The following JARID2 variants were observed in gnomAD, a reference collection of about 807,000 sequenced individuals.
The protein encoded by JARID2 is jumonji and AT-rich interaction domain containing 2.
JARID2 carries 21 observed loss-of-function variants against 125.6 expected under a neutral mutation model. The observed-to-expected ratio is 0.17, with a 90% confidence interval of 0.12 to 0.24. The LOEUF (loss-of-function observed/expected upper bound fraction) is 0.24, where lower values mean the gene tolerates loss of function less well. Ranked by LOEUF, JARID2 falls within the 10% of genes least tolerant of loss-of-function variation. The pLI is 1.00. For missense variants in JARID2, 1,303 were observed against 1,639.6 expected (o/e 0.79, Z 3.55); for synonymous variants, 736 against 661.6 (o/e 1.11, Z -1.73).
chr6:15,513,109 C>A, intron 15 of JARID2, 64 bp downstream of exon 15: 2 of 1,607,042 alleles, frequency 1.2e-6, no homozygotes, highest in Non-Finnish European at 1.7e-6. Flanking sequence ...GGCTCACCCC[C>A]CGAGCAGGCC....
In JARID2 at chr6:15,333,881, G is replaced by A. The variant is rs1031055741; in HGVS notation, c.46-40236G>A. Among the ~76,000 whole-genome samples, 5 of 152,146 alleles carry A rather than the reference G, an allele frequency of 3.3e-5. No individual in the cohort carries two copies. The East Asian group carries it at 9.6e-4, about 29-fold the overall frequency. Reference sequence around the variant, plus strand: ...GTGACTAGGGAGTCTTGGGGCCAGGGAAACCTAAAGGTAATCTTTTCAAAG... The same window carrying A: ...GTGACTAGGGAGTCTTGGGGCCAGGAAAACCTAAAGGTAATCTTTTCAAAG... On this transcript the variant is annotated intron_variant, in intron 1 of 17. Transcript: ENST00000341776.
At chr6:15,511,166 C>T (rs920463718) in intron 12 of JARID2, 130 bp from the exon 13 acceptor site, 17 of 699,390 alleles carry the variant, frequency 2.4e-5, no homozygotes, top group Non-Finnish European at 3.6e-5. Context: ...CAGGCCAGTG[C>T]GCCATCCCTG....
At chr6:15,425,009 TATC>T (rs1416900422) in intron 3 of JARID2, among the ~76,000 whole-genome samples, 1 of 152,202 alleles carries the variant, frequency 6.6e-6, no homozygotes, top group African/African-American at 2.4e-5. Flanking sequence ...GTTATTTTAT[TATC>T]ATCCCCATCC....
chr6:15,408,397 C>T (rs1933389606), intron 2 of JARID2, among the ~76,000 whole-genome samples: 1 of 151,738 alleles, frequency 6.6e-6, no homozygotes, highest in Non-Finnish European at 1.5e-5. Context: ...TCCATCTTCT[C>T]TTTTTACAGA....
intron 4 of JARID2, among the ~76,000 whole-genome samples, chr6:15,459,024 G>A (rs1768324458): frequency 6.6e-6 from 1 of 152,230 alleles, no homozygotes; most frequent in South Asian, 2.1e-4. Context: ...AGGCTGCAGG[G>A]AGTTCTTTCT....
chr6:15,513,941 G>T (rs1444729961), intron 16 of JARID2, among the ~76,000 whole-genome samples: 1 of 152,224 alleles, frequency 6.6e-6, no homozygotes. Flanking sequence ...CTTGGTGAAA[G>T]CTGATGTTCC....
At chr6:15,285,604 T>G (rs1408715520) in intron 1 of JARID2, among the ~76,000 whole-genome samples, 5 of 152,118 alleles carry the variant, frequency 3.3e-5, no homozygotes, top group African/African-American at 1.2e-4. Flanking sequence ...TAAACCCAGA[T>G]AGAGGGTATC....
intron 6 of JARID2, among the ~76,000 whole-genome samples, chr6:15,491,419 C>T (rs763069344): frequency 6.6e-6 from 1 of 152,386 alleles, no homozygotes; most frequent in South Asian, 2.1e-4. Flanking sequence ...AACTCACTGT[C>T]TGTCCAGTGC....
At chr6:15,451,923 G>T (rs897311156) in intron 3 of JARID2, 83 bp from the exon 4 acceptor site, 5 of 1,322,476 alleles carry the variant, frequency 3.8e-6, no homozygotes, top group African/African-American at 1.5e-5. Flanking sequence ...TTCCCCTTAT[G>T]TGTCATGATT....
At chr6:15,372,385 G>A (rs556144100) in intron 1 of JARID2, among the ~76,000 whole-genome samples, 15 of 152,232 alleles carry the variant, frequency 9.9e-5, no homozygotes, top group African/African-American at 3.6e-4. Flanking sequence ...TTTAGACAGA[G>A]TTTTGCTCTG....
chr6:15,377,620 C>T (rs750344486), intron 2 of JARID2, among the ~76,000 whole-genome samples: 17 of 152,146 alleles, frequency 1.1e-4, no homozygotes, highest in Non-Finnish European at 2.4e-4. Flanking sequence ...CATGCACCAC[C>T]ACACCTGGGC....
At chr6:15,486,696 C>T (rs1300322259) in intron 5 of JARID2, among the ~76,000 whole-genome samples, 3 of 152,112 alleles carry the variant, frequency 2.0e-5, no homozygotes, top group Non-Finnish European at 4.4e-5. Flanking sequence ...TCATCCCTTT[C>T]TTCATCTCTG....
At chr6:15,465,121 C>A (rs1270668175) in intron 4 of JARID2, among the ~76,000 whole-genome samples, 1 of 152,096 alleles carries the variant, frequency 6.6e-6, no homozygotes, top group African/African-American at 2.4e-5. Flanking sequence ...AAAACAAATC[C>A]ATTCATAATG....
chr6:15,468,430 A>C, intron 4 of JARID2, 112 bp from the exon 5 acceptor site: 25 of 879,226 alleles, frequency 2.8e-5, no homozygotes, highest in Non-Finnish European at 3.9e-5. Context: ...AAATGGCAGT[A>C]GAGATCAGTT....
At chr6:15,367,396 TC>T (rs1404165721) in intron 1 of JARID2, among the ~76,000 whole-genome samples, 1 of 152,196 alleles carries the variant, frequency 6.6e-6, no homozygotes, top group Non-Finnish European at 1.5e-5. Context: ...AATAGAAAAT[TC>T]CTTCCCCTAC....
chr6:15,357,853 C>T (rs988219962), intron 1 of JARID2, among the ~76,000 whole-genome samples: 3 of 152,170 alleles, frequency 2.0e-5, no homozygotes, highest in African/African-American at 7.2e-5. Context: ...ACGGACACCC[C>T]CTTCTCTTGT....
chr6:15,512,444 G>T (rs147457565), intron 14 of JARID2, 54 bp downstream of exon 14: 3 of 1,531,492 alleles, frequency 2.0e-6, no homozygotes, highest in East Asian at 4.5e-5. Context: ...TGTGAGTGCC[G>T]TGCGTGAGCG....
At chr6:15,390,417 C>T (rs927990745) in intron 2 of JARID2, among the ~76,000 whole-genome samples, 1 of 152,162 alleles carries the variant, frequency 6.6e-6, no homozygotes, top group Non-Finnish European at 1.5e-5. Flanking sequence ...TTAGCTCTGT[C>T]CACGTTGTGC....
intron 1 of JARID2, among the ~76,000 whole-genome samples, chr6:15,252,878 T>C (rs1486956257): frequency 6.6e-6 from 1 of 152,176 alleles, no homozygotes; most frequent in African/African-American, 2.4e-5. Flanking sequence ...CATAAACCTT[T>C]TCCATACTTG....
Sources: gnomAD v4.1 joint callset for allele counts (sites outside exome capture counted in the v4.1 genomes callset) on GRCh38, gnomAD v4.1.1 for gene constraint, MANE v1.5 for transcripts, NCBI Gene and HGNC (gene_info 2026-07-23, HGNC 2026-07-21) for gene names.